LRRTM4: variants seen among roughly 807,000 people sequenced by gnomAD.
LRRTM4 encodes leucine-rich repeat transmembrane neuronal protein 4.
LRRTM4 carries 25 observed loss-of-function variants against 47.6 expected under a neutral mutation model. The ratio of observed to expected loss-of-function variants is 0.53; its 90% confidence interval spans 0.38 to 0.73. The LOEUF is 0.73. Ranked by LOEUF, LRRTM4 falls within the 30% of genes least tolerant of loss-of-function variation. LRRTM4 has a pLI of 0.00. For missense variants in LRRTM4, 638 were observed against 713.4 expected (o/e 0.89, Z 1.20); for synonymous variants, 311 against 269.5 (o/e 1.15, Z -1.51).
chr2:76,956,019 G>T (rs1321359064), intron 3 of LRRTM4, among the ~76,000 whole-genome samples: 1 of 148,696 alleles, frequency 6.7e-6, no homozygotes, highest in Non-Finnish European at 1.5e-5. Flanking sequence ...AAAAAAAAAA[G>T]CCTAGAGAGG....
At chr2:77,379,813 T>A (rs992612638) in intron 3 of LRRTM4, among the ~76,000 whole-genome samples, 1 of 152,144 alleles carries the variant, frequency 6.6e-6, no homozygotes, top group African/African-American at 2.4e-5. Flanking sequence ...ATAATTTCAG[T>A]ATTTTCTGAT....
At chr2:77,214,496 C>A in intron 3 of LRRTM4, among the ~76,000 whole-genome samples, 1 of 152,074 alleles carries the variant, frequency 6.6e-6, no homozygotes, top group East Asian at 1.9e-4. Context: ...TGTACAATGG[C>A]AGAACATAAC....
intron 3 of LRRTM4, among the ~76,000 whole-genome samples, chr2:76,805,412 T>A (rs757149001): frequency 2.0e-5 from 3 of 152,064 alleles, no homozygotes; most frequent in Non-Finnish European, 4.4e-5. Flanking sequence ...TATATAAAGG[T>A]GACAAAAGAG....
intron 3 of LRRTM4, among the ~76,000 whole-genome samples, chr2:77,089,273 G>A (rs1014900195): frequency 8.8e-5 from 7 of 79,478 alleles, no homozygotes; most frequent in South Asian, 4.3e-4. Flanking sequence ...TTTCTGGGAG[G>A]GGGCAAGTAC....
chr2:76,981,717 T>C (rs1191791141), intron 3 of LRRTM4, among the ~76,000 whole-genome samples: 1 of 151,968 alleles, frequency 6.6e-6, no homozygotes, highest in Non-Finnish European at 1.5e-5. Context: ...CTTCTCAGAC[T>C]CCTGGACCCA....
In LRRTM4 at chr2:76,837,600, G is replaced by A. The variant is rs536132951; in HGVS notation, c.1552-88684C>T. Among the ~76,000 whole-genome samples the A allele has an allele frequency of 6.6e-5, 10 of 152,180 alleles. No homozygotes were observed. The East Asian group carries it at 1.7e-3, about 27-fold the overall frequency. On this transcript the variant is annotated intron_variant, in intron 3 of 3. Transcript: ENST00000409884. ...CCCATTACTGGGTATATACCCAAAG[G>A]ATTATAAATCATGCTGCTATAAAGA...
At chr2:77,086,482 T>C (rs1290106939) in intron 3 of LRRTM4, among the ~76,000 whole-genome samples, 2 of 148,372 alleles carry the variant, frequency 1.3e-5, no homozygotes, top group African/African-American at 5.1e-5. Flanking sequence ...AATAATTTTT[T>C]TTTTTTTTTT....
chr2:76,765,301 A>G (rs1488306710), intron 3 of LRRTM4, among the ~76,000 whole-genome samples: 1 of 152,164 alleles, frequency 6.6e-6, no homozygotes, highest in East Asian at 1.9e-4. Context: ...ATTCTCACCT[A>G]TATCTGATTT....
chr2:77,170,426 C>T (rs184724926), intron 3 of LRRTM4, among the ~76,000 whole-genome samples: 81 of 152,216 alleles, frequency 5.3e-4, no homozygotes, highest in African/African-American at 1.6e-3. Flanking sequence ...CCAATGATCA[C>T]GAAATAGATT....
intron 3 of LRRTM4, among the ~76,000 whole-genome samples, chr2:77,489,225 G>T (rs930600919): frequency 6.6e-6 from 1 of 152,074 alleles, no homozygotes; most frequent in Non-Finnish European, 1.5e-5. Flanking sequence ...TAATCTGTCT[G>T]AACCTGTGAA....
intron 3 of LRRTM4, among the ~76,000 whole-genome samples, chr2:77,404,354 C>T (rs1674081668): frequency 6.6e-6 from 1 of 152,038 alleles, no homozygotes; most frequent in Non-Finnish European, 1.5e-5. Context: ...CAGCTGGCTA[C>T]TACAAAATGC....
At chr2:77,012,520 A>G (rs1428704581) in intron 3 of LRRTM4, among the ~76,000 whole-genome samples, 1 of 152,232 alleles carries the variant, frequency 6.6e-6, no homozygotes, top group Admixed American at 6.5e-5. Flanking sequence ...GATTACAGAG[A>G]ATCACCTGCA....
At chr2:77,087,090 G>A (rs972748769) in intron 3 of LRRTM4, among the ~76,000 whole-genome samples, 3 of 152,148 alleles carry the variant, frequency 2.0e-5, no homozygotes, top group Non-Finnish European at 4.4e-5. Context: ...AGCAACCAGT[G>A]TATAGCTGCT....
chr2:77,002,529 T>G (rs1446707), intron 3 of LRRTM4, among the ~76,000 whole-genome samples: 84,357 of 151,994 alleles, frequency 0.56, 25,612 homozygotes, highest in African/African-American at 0.81. Context: ...TTCCTTCTAA[T>G]TGCTATCCCT....
chr2:77,246,433 G>A (rs990387775), intron 3 of LRRTM4, among the ~76,000 whole-genome samples: 1 of 152,068 alleles, frequency 6.6e-6, no homozygotes, highest in African/African-American at 2.4e-5. Context: ...GTGCATCTGT[G>A]CTGTTCAAAA....
At chr2:76,766,371 A>G (rs1673456882) in intron 3 of LRRTM4, among the ~76,000 whole-genome samples, 1 of 152,190 alleles carries the variant, frequency 6.6e-6, no homozygotes, top group Admixed American at 6.5e-5. Context: ...CATTTTCTTA[A>G]GATCCTCTAA....
chr2:77,448,584 T>C (rs1490917561), intron 3 of LRRTM4, among the ~76,000 whole-genome samples: 2 of 152,176 alleles, frequency 1.3e-5, no homozygotes, highest in African/African-American at 2.4e-5. Context: ...GAAGTTCATT[T>C]ACATAATTCT....
At chr2:76,931,148 G>A (rs1300264028) in intron 3 of LRRTM4, among the ~76,000 whole-genome samples, 1 of 152,050 alleles carries the variant, frequency 6.6e-6, no homozygotes, top group Non-Finnish European at 1.5e-5. Context: ...ATAACTGAAA[G>A]AGAATAGAAA....
intron 3 of LRRTM4, among the ~76,000 whole-genome samples, chr2:76,832,993 A>C (rs1671397939): frequency 6.6e-6 from 1 of 152,066 alleles, no homozygotes; most frequent in African/African-American, 2.4e-5. Flanking sequence ...TATTAGCAAA[A>C]CTGGAAAGTT....
Sources: gnomAD v4.1 joint callset for allele counts (sites outside exome capture counted in the v4.1 genomes callset) on GRCh38, gnomAD v4.1.1 for gene constraint, MANE v1.5 for transcripts, NCBI Gene and HGNC (gene_info 2026-07-23, HGNC 2026-07-21) for gene names.